Variants in PRCD observed in about 807,000 individuals in gnomAD.
PRCD encodes photoreceptor disc component, also known as photoreceptor disk component PRCD.
A neutral mutation model predicts 10.1 loss-of-function variants in PRCD; 12 were observed. That is an observed-to-expected ratio of 1.18 (90% CI 0.76 to 1.92). The LOEUF (loss-of-function observed/expected upper bound fraction) is 1.92, where lower values mean the gene tolerates loss of function less well. PRCD is among the 40% of genes most tolerant of loss of function. PRCD has a pLI of 0.00. For missense variants in PRCD, 61 were observed against 72.2 expected (o/e 0.84, Z 0.56); for synonymous variants, 31 against 26.2 (o/e 1.18, Z -0.56).
chr17:76,547,942 TCACACACATATA>T (rs1294887674), downstream of PRCD, among the ~76,000 whole-genome samples: 60 of 146,368 alleles, frequency 4.1e-4, no homozygotes, highest in South Asian at 1.1e-3. Context: ...ACAAACATAT[TCACACACATATA>T]CACACACATA....
Position 76,531,279 on chromosome 17 carries a change from C to G in PRCD, n.45+3446C>G. On this transcript the variant is annotated intron_variant and non_coding_transcript_variant, in intron 1 of 4. Coordinates refer to the PRCD transcript ENST00000397633. The surrounding 1 kb of genome is among the most constrained non-coding windows in gnomAD (Gnocchi z 7.4). ...CTGGCAGCTTTGGGAACCCCGTGCTCTCAGGACAAGGGTTGCCCTGGACCC... is the reference window on the plus strand; with the variant it reads ...CTGGCAGCTTTGGGAACCCCGTGCTGTCAGGACAAGGGTTGCCCTGGACCC... 8.1e-6 allele frequency: 10 copies of G among 1,228,162 alleles called. No individual in the cohort carries two copies. The highest frequency in any genetic ancestry group is 1.1e-5 in the Non-Finnish European group (10 of 883,312). 76.1% of individuals were successfully genotyped at this position (1,228,162 alleles called of 1,614,324 possible). A position where few individuals can be genotyped will look rare whatever the true frequency, so the allele number is the denominator to read the frequency against.
At chr17:76,551,125 G>A (rs190329714) in intron 1 of PRCD, 49 of 152,310 alleles carry the variant, frequency 3.2e-4, no homozygotes, top group Admixed American at 2.4e-3. Flanking sequence ...TTGTTGCAGC[G>A]TCTCAGTCAA....
downstream of PRCD, among the ~76,000 whole-genome samples, chr17:76,547,975 T>A (rs1288580981): frequency 6.7e-6 from 1 of 148,922 alleles, no homozygotes; most frequent in African/African-American, 2.5e-5. Context: ...CACATAAACA[T>A]ACACATACAT....
rs1441460385 is a variant in PRCD, at chr17:76,530,888, G to C, written n.45+3055G>C. On this transcript the variant is annotated intron_variant and non_coding_transcript_variant, in intron 1 of 4. Transcript: ENST00000397633. The surrounding 1 kb of genome is among the most constrained non-coding windows in gnomAD (Gnocchi z 6.1). The stretch of plus-strand genomic sequence containing the variant: ...TCAAGTGTGCCTGCCCAGGTGATCA[G>C]CCCCAGGGCCTCAGGAGATATGGGA... 1 of 1,399,286 alleles carries C rather than the reference G, an allele frequency of 7.1e-7. No individual in the cohort carries two copies. Among genetic ancestry groups the C allele is most frequent in the Non-Finnish European group, 9.6e-7 (1 of 1,043,748 alleles). The allele number at this position is 1,399,286 out of a possible 1,614,324, so 86.7% of individuals were successfully genotyped here. A position where few individuals can be genotyped will look rare whatever the true frequency, so the allele number is the denominator to read the frequency against.
chr17:76,540,613 C>T lies in PRCD; in HGVS notation c.143+40C>T. 6.3e-7 allele frequency: 1 copy of T among 1,595,880 alleles called. No individual in the cohort carries two copies. Among genetic ancestry groups the T allele is most frequent in the Non-Finnish European group, 8.6e-7 (1 of 1,164,996 alleles). Reference sequence around the variant, plus strand: ...TGGGCTGGGGGAGGGAGGGTGCTGCCAAGGAAGCTGTGGCTGTGCATGCCT... The same window carrying T: ...TGGGCTGGGGGAGGGAGGGTGCTGCTAAGGAAGCTGTGGCTGTGCATGCCT... On this transcript the variant is annotated intron_variant, in intron 2 of 4. Transcript: ENST00000592014. This position sits in a 1 kb window ranked among gnomAD's most constrained non-coding sequence, Gnocchi z 5.0.
chr17:76,532,989 G>A lies in PRCD; in HGVS notation n.45+5156G>A, dbSNP rs568563457. Among the ~76,000 whole-genome samples, 12 of 152,304 alleles carry A rather than the reference G, an allele frequency of 7.9e-5. No individual in the cohort carries two copies. In the East Asian group the frequency reaches 2.1e-3, roughly 27 times the overall value. ...TTCTTCCAGGTTGTTCTGCCCCTTC[G>A]TGTGTCCCCTTTGCGATCAGAGAGA... On this transcript the variant is annotated intron_variant and non_coding_transcript_variant, in intron 1 of 4. Transcript: ENST00000397633.
At chr17:76,549,025 T>C (rs778485395), downstream of PRCD, among the ~76,000 whole-genome samples, 6 of 152,074 alleles carry the variant, frequency 3.9e-5, no homozygotes, top group Non-Finnish European at 8.8e-5. Context: ...TACACACAGA[T>C]CAATGGAATC....
At chr17:76,527,813 C>T (rs546840882) in exon 1 of PRCD, 1 of 453,972 alleles carries the variant, frequency 2.2e-6, no homozygotes, top group East Asian at 7.0e-5. Flanking sequence ...CGCTCTGCCC[C>T]TGCCCATTCT....
upstream of PRCD, chr17:76,538,509 C>T (rs2074949912): frequency 2.1e-6 from 1 of 466,994 alleles, no homozygotes; most frequent in Non-Finnish European, 4.4e-6. Context: ...CACGGACAGG[C>T]AAGAACCAGC....
upstream of PRCD, chr17:76,538,573 G>A: frequency 2.2e-6 from 1 of 461,090 alleles, no homozygotes; most frequent in Non-Finnish European, 4.5e-6. Context: ...GAGAGGCACC[G>A]GATAGGGCAG....
intron 4 of PRCD, 68 bp from the exon 5 acceptor site, chr17:76,543,735 G>A (rs1326908967): frequency 4.3e-6 from 2 of 468,708 alleles, no homozygotes; most frequent in African/African-American, 2.0e-5. Flanking sequence ...GCCGCCACTT[G>A]TGGTCCGAGG....
chr17:76,537,429 G>T, upstream of PRCD: 1 of 1,598,400 alleles, frequency 6.3e-7, no homozygotes, highest in Non-Finnish European at 8.5e-7. Flanking sequence ...CCACGTCCTC[G>T]CAGTTGGCAT....
chr17:76,529,557 A>G (rs2074809988), intron 1 of PRCD: 13 of 979,588 alleles, frequency 1.3e-5, no homozygotes, highest in Non-Finnish European at 1.4e-5. Context: ...TGGCCCTTGT[A>G]AAAAAGCCCT....
At chr17:76,545,801 A>C (rs895156), downstream of PRCD, 137,516 of 201,754 alleles carry the variant, frequency 0.68, 49,941 homozygotes, top group East Asian at 0.88. Flanking sequence ...ATCCGGTTTG[A>C]ACTGTAAATT....
At position 76,531,373 on chromosome 17, in the gene PRCD, C is replaced by T; in HGVS notation, n.45+3540C>T. 1 of 1,485,544 alleles carries T rather than the reference C, an allele frequency of 6.7e-7. No individual in the cohort carries two copies. The allele number at this position is 1,485,544 out of a possible 1,614,324, so 92.0% of individuals were successfully genotyped here. A position where few individuals can be genotyped will look rare whatever the true frequency, so the allele number is the denominator to read the frequency against. Reference sequence around the variant, plus strand: ...GCCACTCCGGGGATCACCTCTGTTGCTCCAGAGAGCCGTCGCAGAGCCTGC... The same window carrying T: ...GCCACTCCGGGGATCACCTCTGTTGTTCCAGAGAGCCGTCGCAGAGCCTGC... On this transcript the variant is annotated intron_variant and non_coding_transcript_variant, in intron 1 of 4. Transcript: ENST00000397633. This position sits in a 1 kb window ranked among gnomAD's most constrained non-coding sequence, Gnocchi z 7.4.
At chr17:76,538,482 C>T (rs2074949466), upstream of PRCD, 1 of 466,268 alleles carries the variant, frequency 2.1e-6, no homozygotes, top group South Asian at 1.6e-5. Flanking sequence ...CAGAAGTCCC[C>T]CGTGGCTTAT....
At chr17:76,546,806 A>G (rs2075057980), downstream of PRCD, 1 of 152,180 alleles carries the variant, frequency 6.6e-6, no homozygotes, top group Admixed American at 6.5e-5. This position sits in a 1 kb window ranked among gnomAD's most constrained non-coding sequence, Gnocchi z 4.5. Context: ...CAGCTGCTGT[A>G]TTTTACGCAC....
intron 4 of PRCD, among the ~76,000 whole-genome samples, 170 bp from the exon 5 acceptor site, chr17:76,543,633 C>T (rs1396060777): frequency 1.3e-5 from 2 of 152,208 alleles, no homozygotes; most frequent in African/African-American, 2.4e-5. Flanking sequence ...CCATGGCAGG[C>T]GGCCTCCCCC....
intron 1 of PRCD, chr17:76,529,409 A>C: frequency 1.0e-6 from 1 of 985,396 alleles, no homozygotes; most frequent in Non-Finnish European, 1.2e-6. Flanking sequence ...GCCGTTTCAA[A>C]ATGTTTGGGG....
Sources: allele counts gnomAD v4.1 joint callset (sites outside exome capture counted in the v4.1 genomes callset), GRCh38; gene constraint gnomAD v4.1.1; non-coding constraint Gnocchi (gnomAD v3.1); transcripts MANE v1.5; gene names NCBI Gene and HGNC (gene_info 2026-07-23, HGNC 2026-07-21).